MYOCOS: variants seen among roughly 807,000 people sequenced by gnomAD.
MYOCOS encodes myocilin opposite strand protein.
upstream of MYOCOS, among the ~76,000 whole-genome samples, chr1:171,620,848 C>T (rs1248799974): frequency 6.8e-6 from 1 of 146,392 alleles, no homozygotes; most frequent in Non-Finnish European, 1.5e-5. Context: ...TGGCTCACTG[C>T]AACCTCTGAC....
rs566577258 is a variant in MYOCOS at position 171,614,415 on chromosome 1, A to G, written c.-251-383A>G. Among the ~76,000 whole-genome samples the G allele has an allele frequency of 2.6e-5, 4 of 152,348 alleles. No individual in the cohort carries two copies. In the East Asian group the frequency reaches 7.7e-4, roughly 29 times the overall value. On this transcript the variant is annotated intron_variant, in intron 1 of 3. Transcript: ENST00000636697. Reference sequence around the variant, plus strand: ...TCAGTTGAACTGTGGCACAGTCACAATAAAGGCCTCAGCTGACCCTACTGG... The same window carrying G: ...TCAGTTGAACTGTGGCACAGTCACAGTAAAGGCCTCAGCTGACCCTACTGG...
intron 1 of MYOCOS, among the ~76,000 whole-genome samples, chr1:171,610,541 A>G (rs1424430311): frequency 1.3e-5 from 2 of 152,224 alleles, no homozygotes; most frequent in African/African-American, 2.4e-5. Flanking sequence ...GAGTCATAAC[A>G]TGGCAGAAGG....
chr1:171,621,580 T>C (rs2102939112), upstream of MYOCOS, among the ~76,000 whole-genome samples: 2 of 152,182 alleles, frequency 1.3e-5, no homozygotes, highest in Middle Eastern at 3.4e-3. Context: ...TTTCGCCGTG[T>C]TAGCCAGGAT....
intron 2 of MYOCOS, among the ~76,000 whole-genome samples, chr1:171,616,225 A>C (rs974251109): frequency 1.3e-5 from 2 of 150,902 alleles, no homozygotes; most frequent in Non-Finnish European, 2.9e-5. Flanking sequence ...CTCAAAACAA[A>C]AAACAAACAA....
intron 1 of MYOCOS, among the ~76,000 whole-genome samples, chr1:171,608,300 G>A (rs746097109): frequency 2.0e-5 from 3 of 151,214 alleles, no homozygotes; most frequent in Admixed American, 6.6e-5. Flanking sequence ...AGAGGGAGAC[G>A]TTCACCTGAG....
At chr1:171,614,447 T>A (rs1652411763) in intron 1 of MYOCOS, among the ~76,000 whole-genome samples, 2 of 152,226 alleles carry the variant, frequency 1.3e-5, no homozygotes, top group East Asian at 3.8e-4. Flanking sequence ...CTGGCACCTC[T>A]GCAGCTGGGG....
intron 1 of MYOCOS, among the ~76,000 whole-genome samples, chr1:171,609,976 TGTTA>T (rs944834724): frequency 2.7e-4 from 41 of 152,204 alleles, no homozygotes; most frequent in African/African-American, 9.9e-4. Context: ...CTCACATGGT[TGTTA>T]GTAGGCCTCA....
At chr1:171,602,725 T>C (rs951565143) in intron 1 of MYOCOS, among the ~76,000 whole-genome samples, 15 of 152,326 alleles carry the variant, frequency 9.8e-5, no homozygotes, top group Admixed American at 6.5e-4. Context: ...TTAACTTACG[T>C]GGTATAAAAA....
upstream of MYOCOS, among the ~76,000 whole-genome samples, chr1:171,620,432 G>A (rs1400670151): frequency 1.3e-5 from 2 of 151,992 alleles, no homozygotes; most frequent in Non-Finnish European, 2.9e-5. Context: ...CTTTTTGGGG[G>A]CAAATTTGCA....
At chr1:171,619,989 C>T (rs773181018), upstream of MYOCOS, among the ~76,000 whole-genome samples, 3 of 150,344 alleles carry the variant, frequency 2.0e-5, no homozygotes, top group African/African-American at 4.9e-5. Flanking sequence ...TTCAGACTGG[C>T]ATTTCTTACT....
chr1:171,620,862 C>T (rs1356661794), upstream of MYOCOS, among the ~76,000 whole-genome samples: 1 of 150,808 alleles, frequency 6.6e-6, no homozygotes, highest in Non-Finnish European at 1.5e-5. Context: ...CTCTGACTCC[C>T]GGGTTCAAGC....
upstream of MYOCOS, among the ~76,000 whole-genome samples, chr1:171,620,068 C>CATATAT (rs139274519): frequency 1.3e-4 from 19 of 142,542 alleles, no homozygotes; most frequent in East Asian, 1.8e-3. Flanking sequence ...CTCCCCTTTA[C>CATATAT]ATATATATAT....
upstream of MYOCOS, among the ~76,000 whole-genome samples, chr1:171,618,417 G>A (rs897863575): frequency 5.9e-5 from 9 of 152,182 alleles, no homozygotes; most frequent in African/African-American, 1.7e-4. Context: ...TCGTGATAGC[G>A]AGCTAGTGCA....
At chr1:171,614,028 C>A (rs1652404332) in intron 1 of MYOCOS, among the ~76,000 whole-genome samples, 1 of 152,186 alleles carries the variant, frequency 6.6e-6, no homozygotes, top group African/African-American at 2.4e-5. Context: ...AGTAGTTCCC[C>A]TGAATCTCTC....
At chr1:171,609,002 C>T (rs907241896) in intron 1 of MYOCOS, among the ~76,000 whole-genome samples, 13 of 152,144 alleles carry the variant, frequency 8.5e-5, no homozygotes, top group East Asian at 1.9e-4. Context: ...TGGTCTCTTC[C>T]TGGGAAACCT....
At chr1:171,619,839 A>G (rs189947703), upstream of MYOCOS, among the ~76,000 whole-genome samples, 1 of 151,434 alleles carries the variant, frequency 6.6e-6, no homozygotes, top group African/African-American at 2.4e-5. Flanking sequence ...TCAAAAAAAA[A>G]AAAAAGAAAA....
upstream of MYOCOS, among the ~76,000 whole-genome samples, chr1:171,620,766 TTTCTTTC>T (rs1429278721): frequency 7.8e-4 from 87 of 111,682 alleles, no homozygotes; most frequent in African/African-American, 3.1e-3. Context: ...TTTCTTTCTT[TTTCTTTC>T]TTTTTTTTTT....
At chr1:171,617,802 A>C (rs965183320), upstream of MYOCOS, among the ~76,000 whole-genome samples, 7 of 152,220 alleles carry the variant, frequency 4.6e-5, no homozygotes, top group Admixed American at 6.5e-5. Flanking sequence ...GAGAGGGATA[A>C]TTTGATAATA....
chr1:171,614,560 A>T (rs1398803236), intron 1 of MYOCOS, among the ~76,000 whole-genome samples: 8 of 152,104 alleles, frequency 5.3e-5, no homozygotes, highest in Admixed American at 5.2e-4. Flanking sequence ...ATCTCTTAGG[A>T]GAGGGGCAGA....
Sources: allele counts gnomAD v4.1 joint callset (sites outside exome capture counted in the v4.1 genomes callset), GRCh38; gene constraint gnomAD v4.1.1; transcripts MANE v1.5; gene names NCBI Gene and HGNC (gene_info 2026-07-23, HGNC 2026-07-21).